The following CA10 variants were observed in gnomAD, a reference collection of about 807,000 sequenced individuals.
CA10 encodes carbonic anhydrase 10 (inactive).
In CA10, 14 loss-of-function variants were observed where a neutral mutation model predicts 44.2. The observed-to-expected ratio is 0.32, with a 90% CI of 0.21 to 0.50. The LOEUF is 0.50. Ranked by LOEUF, CA10 falls within the 20% of genes least tolerant of loss-of-function variation. The pLI is 0.99. For missense variants in CA10, 350 were observed against 409.7 expected, an observed-to-expected ratio of 0.85 and a Z score of 1.26; for synonymous variants, 159 against 141.6, an observed-to-expected ratio of 1.12 and a Z score of -0.87.
chr17:51,689,819 A>G (rs1234128570), intron 4 of CA10, among the ~76,000 whole-genome samples: 1 of 152,146 alleles, frequency 6.6e-6, no homozygotes, highest in Non-Finnish European at 1.5e-5. Flanking sequence ...AAAATTCAAT[A>G]TGTTTATTGT....
At chr17:52,132,521 C>T (rs2143353360) in intron 1 of CA10, among the ~76,000 whole-genome samples, 1 of 152,298 alleles carries the variant, frequency 6.6e-6, no homozygotes, top group South Asian at 2.1e-4. Context: ...CTGTTAACTG[C>T]TATATTATTC....
chr17:51,891,192 G>A (rs1282095089), intron 3 of CA10, among the ~76,000 whole-genome samples: 1 of 152,160 alleles, frequency 6.6e-6, no homozygotes, highest in East Asian at 1.9e-4. Context: ...CCGGGCCAAG[G>A]TGCCATGTGG....
At chr17:51,966,710 T>A (rs1179793084) in intron 2 of CA10, among the ~76,000 whole-genome samples, 1 of 151,834 alleles carries the variant, frequency 6.6e-6, no homozygotes, top group Non-Finnish European at 1.5e-5. Flanking sequence ...TAATTCAGAA[T>A]GAATTAAAGA....
chr17:52,064,276 G>C (rs1053666950), intron 2 of CA10, among the ~76,000 whole-genome samples: 2 of 152,136 alleles, frequency 1.3e-5, no homozygotes, highest in African/African-American at 4.8e-5. Flanking sequence ...CAGCCTTATG[G>C]GACTCAGTAG....
rs759411898 is a variant in CA10, at chr17:52,108,699, C to CAAAAAA, written c.62-36312_62-36307dup. Reference sequence around the variant, plus strand: ...TGGGTGACAGGGGGAGACTCCGTCTCAAAAAAAAAAAAAAAAAAAAAAAAA... The same window carrying CAAAAAA: ...TGGGTGACAGGGGGAGACTCCGTCTCAAAAAAAAAAAAAAAAAAAAAAAAAAAAAAA... On this transcript the variant is annotated intron_variant, in intron 1 of 8. Transcript: ENST00000451037. 8.1e-4 allele frequency among the ~76,000 whole-genome samples: 74 copies of CAAAAAA among 91,828 alleles called. 1 individual carries two copies. The highest frequency in any genetic ancestry group is 1.1e-3 in the Non-Finnish European group (46 of 43,034). The allele number at this position is 91,828 out of a possible 152,430, so 60.2% of individuals were successfully genotyped here.
At chr17:51,746,750 CATTA>C (rs1904702568) in intron 4 of CA10, among the ~76,000 whole-genome samples, 1 of 152,176 alleles carries the variant, frequency 6.6e-6, no homozygotes, top group South Asian at 2.1e-4. Flanking sequence ...CTGCTGGACT[CATTA>C]AGATTGTGGG....
chr17:51,709,692 TGGA>T (rs1362038590), intron 4 of CA10, among the ~76,000 whole-genome samples: 2 of 152,226 alleles, frequency 1.3e-5, no homozygotes, highest in Non-Finnish European at 2.9e-5. Flanking sequence ...GGGAATGGCT[TGGA>T]GTGTTCCCCA....
intron 1 of CA10, among the ~76,000 whole-genome samples, chr17:52,147,774 A>G (rs1164532538): frequency 6.6e-6 from 1 of 152,248 alleles, no homozygotes; most frequent in Admixed American, 6.5e-5. Context: ...CACCCAGGTC[A>G]TACAATAGAA....
Position 52,132,598 on chromosome 17 carries a change from C to G in CA10, c.61+25128G>C, listed in dbSNP as rs149137364. Among the ~76,000 whole-genome samples the G allele has an allele frequency of 1.9e-3, 292 of 152,302 alleles. 2 individuals are homozygous for G. Among genetic ancestry groups the G allele is most frequent in the African/African-American group, 6.8e-3 (281 of 41,560 alleles). Reference sequence around the variant, plus strand: ...CTGACTTATATGTGGGGCACAGCAACAGGGAATGAAGGCACAGTGAACATG... The same window carrying G: ...CTGACTTATATGTGGGGCACAGCAAGAGGGAATGAAGGCACAGTGAACATG... On this transcript the variant is annotated intron_variant, in intron 1 of 8. Transcript: ENST00000451037.
chr17:51,633,598 C>A lies in CA10; in HGVS notation c.842G>T (p.Ser281Ile). 1 of 1,613,930 alleles carries A rather than the reference C, an allele frequency of 6.2e-7. No individual in the cohort carries two copies. The highest frequency in any genetic ancestry group is 8.5e-7 in the Non-Finnish European group (1 of 1,179,916). The change falls in exon 8 of 9, where the codon AGC becomes ATC. Residue 281 changes from serine (S) to isoleucine (I), a missense_variant. Transcript: ENST00000451037. ...SQNQPSQIFLSMSDNFRPVQP... is the reference protein window; with the variant it reads ...SQNQPSQIFLIMSDNFRPVQP... ...GACAGGCCTGAAGTTGTCACTCATG[C>A]TCAGAAAGATCTGAGATGGCTGGTT...
At chr17:52,120,285 C>T (rs1350301102) in intron 1 of CA10, among the ~76,000 whole-genome samples, 7 of 152,116 alleles carry the variant, frequency 4.6e-5, no homozygotes, top group African/African-American at 7.2e-5. Flanking sequence ...GTCCTGCCAC[C>T]GGAGCCTTTG....
chr17:51,828,055 C>A lies in CA10; in HGVS notation c.280-80237G>T, dbSNP rs57888433. 7.4e-4 allele frequency among the ~76,000 whole-genome samples: 113 copies of A among 152,282 alleles called. No individual in the cohort carries two copies. In the East Asian group the frequency reaches 0.016, roughly 22 times the overall value. ...TGAACTTCCACTACACCCCTCTTCC[C>A]ATTGCCACTGTTTGGACTTAGAGTG... On this transcript the variant is annotated intron_variant, in intron 3 of 8. Coordinates refer to ENST00000451037, the MANE Select transcript of CA10 (RefSeq NM_020178.5).
intron 1 of CA10, among the ~76,000 whole-genome samples, chr17:52,085,998 G>A (rs927722572): frequency 6.6e-6 from 1 of 152,020 alleles, no homozygotes; most frequent in African/African-American, 2.4e-5. Context: ...TTACCATATT[G>A]TATACAATTT....
At chr17:52,052,577 A>T (rs1308780171) in intron 2 of CA10, among the ~76,000 whole-genome samples, 1 of 152,126 alleles carries the variant, frequency 6.6e-6, no homozygotes. Flanking sequence ...GGTACTTGTA[A>T]GACCAGGAAT....
intron 3 of CA10, among the ~76,000 whole-genome samples, chr17:51,910,667 C>G (rs913503055): frequency 1.3e-5 from 2 of 152,066 alleles, no homozygotes; most frequent in African/African-American, 4.8e-5. Flanking sequence ...GTAGTTACGC[C>G]GTTCTTGCAG....
intron 3 of CA10, among the ~76,000 whole-genome samples, chr17:51,914,167 C>T (rs1246591925): frequency 6.6e-6 from 1 of 152,104 alleles, no homozygotes; most frequent in Non-Finnish European, 1.5e-5. Flanking sequence ...TGCAATCATG[C>T]TTTTGGGGTG....
intron 2 of CA10, among the ~76,000 whole-genome samples, chr17:51,951,182 A>C (rs1425449985): frequency 1.3e-5 from 2 of 152,216 alleles, no homozygotes; most frequent in African/African-American, 2.4e-5. Flanking sequence ...TTCCTCCTCC[A>C]AGATTCTCAT....
chr17:51,925,437 A>C lies in CA10; in HGVS notation c.279+5553T>G, dbSNP rs142788087. 1.8e-4 allele frequency among the ~76,000 whole-genome samples: 28 copies of C among 152,230 alleles called. 2 individuals are homozygous for C. The East Asian group carries it at 5.4e-3, about 29-fold the overall frequency. ...TTTCAAAATAAATAACAAAAAAAAAAAAACAACAAGTTTCTGTGAGGATAT... is the reference window on the plus strand; with the variant it reads ...TTTCAAAATAAATAACAAAAAAAAACAAACAACAAGTTTCTGTGAGGATAT... On this transcript the variant is annotated intron_variant, in intron 3 of 8. Transcript: ENST00000451037.
chr17:51,897,240 T>C (rs769223108), intron 3 of CA10, among the ~76,000 whole-genome samples: 4 of 152,108 alleles, frequency 2.6e-5, no homozygotes, highest in East Asian at 1.9e-4. Context: ...TTGAATTGAT[T>C]TGATTTTTGT....
Sources: allele counts gnomAD v4.1 joint callset (sites outside exome capture counted in the v4.1 genomes callset), GRCh38; gene constraint gnomAD v4.1.1; transcripts MANE v1.5; gene names NCBI Gene and HGNC (gene_info 2026-07-23, HGNC 2026-07-21).